GAS6: variants seen among roughly 807,000 people sequenced by gnomAD.
GAS6 encodes growth arrest-specific protein 6.
GAS6 carries 41 observed loss-of-function variants against 75.8 expected under a neutral mutation model. That is an observed-to-expected ratio of 0.54 (90% CI 0.42 to 0.70). GAS6 has a LOEUF of 0.70. GAS6 is among the 30% of genes least tolerant of loss of function. GAS6 has a pLI of 0.00. For synonymous variants in GAS6, 432 were observed against 412.6 expected, an observed-to-expected ratio of 1.05 and a Z score of -0.57; for missense variants, 854 against 940.2, an observed-to-expected ratio of 0.91 and a Z score of 1.20.
chr13:113,834,162 G>C (rs149584392), intron 8 of GAS6, among the ~76,000 whole-genome samples: 1 of 149,070 alleles, frequency 6.7e-6, no homozygotes, highest in African/African-American at 2.5e-5. Flanking sequence ...ACAGGCCCCG[G>C]TGTGACAGGT....
In GAS6 at chr13:113,849,252, G is replaced by A. The variant is rs1594206857; in HGVS notation, c.256-1202C>T. Among the ~76,000 whole-genome samples, 3 of 152,174 alleles carry A rather than the reference G, an allele frequency of 2.0e-5. No homozygotes were observed. In the East Asian group the frequency reaches 5.8e-4, roughly 29 times the overall value. On this transcript the variant is annotated intron_variant, in intron 2 of 14. Coordinates refer to ENST00000327773, the MANE Select transcript of GAS6 (RefSeq NM_000820.4). ...GGTGTGCAGCTCACGTGTCTGTTGGGAGGGCGGCCGCCCTGAAGGCCAGGA... is the reference window on the plus strand; with the variant it reads ...GGTGTGCAGCTCACGTGTCTGTTGGAAGGGCGGCCGCCCTGAAGGCCAGGA...
intron 11 of GAS6, among the ~76,000 whole-genome samples, chr13:113,828,004 G>A (rs1387481128): frequency 5.9e-5 from 9 of 152,256 alleles, no homozygotes; most frequent in South Asian, 4.1e-4. Flanking sequence ...GGCCGGGCGC[G>A]GTGGCTCACG....
In GAS6 at chr13:113,821,994, G is replaced by A. The variant is rs763543156; in HGVS notation, c.1846C>T (p.Arg616Trp). ...ERLAVLERHL[R>W]SPVLTFAGGL... Reference sequence around the variant, plus strand: ...CCAGCAAAGGTGAGCACGGGGCTCCGCAGGTGCCTCTCGAGCACGGCCAGC... The same window carrying A: ...CCAGCAAAGGTGAGCACGGGGCTCCACAGGTGCCTCTCGAGCACGGCCAGC... The change falls in exon 14 of 15, where the codon CGG becomes TGG. Residue 616 changes from arginine (R) to tryptophan (W), a missense_variant. Physicochemically the swap from Arg to Trp is moderately radical, Grantham distance 101 (BLOSUM62 -3). Coordinates refer to ENST00000327773, the MANE Select transcript of GAS6 (RefSeq NM_000820.4). 21 of 1,549,736 alleles carry A rather than the reference G, an allele frequency of 1.4e-5. No individual in the cohort carries two copies. The highest frequency in any genetic ancestry group is 3.9e-5 in the Admixed American group (2 of 51,426).
intron 2 of GAS6, among the ~76,000 whole-genome samples, chr13:113,858,369 ATG>A (rs767671086): frequency 1.6e-4 from 25 of 151,948 alleles, no homozygotes; most frequent in Admixed American, 3.3e-4. Flanking sequence ...GAATGTGTGC[ATG>A]TGTGTGCATG....
intron 2 of GAS6, among the ~76,000 whole-genome samples, chr13:113,862,245 C>T (rs942576933): frequency 5.9e-5 from 9 of 152,166 alleles, no homozygotes; most frequent in Admixed American, 3.9e-4. Flanking sequence ...TGCAGGGCTG[C>T]GCGGAGCGGG....
chr13:113,823,576 G>A (rs1226148763), intron 12 of GAS6, 26 bp from the exon 13 acceptor site: 6 of 1,594,610 alleles, frequency 3.8e-6, no homozygotes, highest in Non-Finnish European at 5.1e-6. Flanking sequence ...TGCATTATAG[G>A]GTGGTATGCA....
At chr13:113,854,432 G>A (rs2051898487) in intron 2 of GAS6, among the ~76,000 whole-genome samples, 1 of 152,226 alleles carries the variant, frequency 6.6e-6, no homozygotes. Context: ...CAGTGACGCC[G>A]AGACTCCCCC....
chr13:113,821,951 C>A lies in GAS6; in HGVS notation c.1882+7G>T. ...CACCCGGGTTGAGCGGAGCAGGGAG[C>A]ACCTACCTGGCAGGCCGCCAGCAAA... On this transcript the variant is annotated splice_region_variant and intron_variant, in intron 14 of 14. Transcript: ENST00000327773. 1 of 1,523,494 alleles carries A rather than the reference C, an allele frequency of 6.6e-7. No individual in the cohort carries two copies. The highest frequency in any genetic ancestry group is 1.2e-5 in the South Asian group (1 of 81,802). 94.4% of individuals were successfully genotyped at this position (1,523,494 alleles called of 1,614,324 possible).
At position 113,834,690 on chromosome 13, in the gene GAS6, G is replaced by A; in HGVS notation, c.713-18C>T. 1 of 1,526,370 alleles carries A rather than the reference G, an allele frequency of 6.6e-7. No homozygotes were observed. Among genetic ancestry groups the A allele is most frequent in the East Asian group, 2.4e-5 (1 of 42,278 alleles). 94.6% of individuals were successfully genotyped at this position (1,526,370 alleles called of 1,614,324 possible). On this transcript the variant is annotated intron_variant, in intron 7 of 14. Coordinates refer to ENST00000327773, the MANE Select transcript of GAS6 (RefSeq NM_000820.4). The stretch of plus-strand genomic sequence containing the variant: ...GTCCACATCTGCCAGCCAGAGGGAA[G>A]CGGCGGTGAGCCGGGGAGGCCTCTA...
At chr13:113,847,129 C>T in intron 3 of GAS6, 1 of 348,760 alleles carries the variant, frequency 2.9e-6, no homozygotes, top group East Asian at 9.0e-5. Flanking sequence ...GGTGCGGGGC[C>T]TCTCGACCTG....
chr13:113,822,250 G>T, intron 13 of GAS6, 64 bp from the exon 14 acceptor site: 1 of 1,296,618 alleles, frequency 7.7e-7, no homozygotes, highest in Non-Finnish European at 1.0e-6. Context: ...TTAGGTCCAA[G>T]CTGGTCCTCA....
chr13:113,849,953 A>G (rs1019346764), intron 2 of GAS6, among the ~76,000 whole-genome samples: 1 of 152,064 alleles, frequency 6.6e-6, no homozygotes, highest in East Asian at 1.9e-4. Context: ...AACGCTATAC[A>G]CTCCTGAGAG....
At chr13:113,834,112 G>A (rs2051667958) in intron 8 of GAS6, among the ~76,000 whole-genome samples, 1 of 149,456 alleles carries the variant, frequency 6.7e-6, no homozygotes, top group African/African-American at 2.5e-5. Flanking sequence ...TGCTGTGATA[G>A]GCCCCGGTGT....
At chr13:113,846,301 G>T (rs919949552) in intron 4 of GAS6, among the ~76,000 whole-genome samples, 4 of 152,254 alleles carry the variant, frequency 2.6e-5, no homozygotes, top group African/African-American at 9.6e-5. Flanking sequence ...ATCACACTCT[G>T]TGAAACATTT....
chr13:113,820,622 T>C lies in GAS6; in HGVS notation c.*242A>G, dbSNP rs1445239247. 2 of 487,096 alleles carry C rather than the reference T, an allele frequency of 4.1e-6. No homozygotes were observed. Among genetic ancestry groups the C allele is most frequent in the East Asian group, 5.8e-5 (2 of 34,278 alleles). 30.2% of individuals were successfully genotyped at this position (487,096 alleles called of 1,614,324 possible). On this transcript the variant is annotated 3_prime_UTR_variant, in exon 15 of 15. Coordinates refer to ENST00000327773, the MANE Select transcript of GAS6 (RefSeq NM_000820.4). ...AAGAAGCGCTTGGTAATAAAAATAA[T>C]AGAGAATTATTTTCTTCGAGCCCGC...
intron 2 of GAS6, among the ~76,000 whole-genome samples, chr13:113,849,061 G>A (rs1342573635): frequency 3.9e-5 from 6 of 152,198 alleles, no homozygotes; most frequent in African/African-American, 1.4e-4. Flanking sequence ...CACACTTGCT[G>A]GCCTTGCCAC....
At chr13:113,839,254 AGCT>A (rs2051749841) in intron 5 of GAS6, 1 of 161,712 alleles carries the variant, frequency 6.2e-6, no homozygotes, top group South Asian at 1.8e-4. Flanking sequence ...CAGGCCCTGG[AGCT>A]ATTCTTCCTC....
intron 2 of GAS6, among the ~76,000 whole-genome samples, chr13:113,859,408 A>G (rs150291497): frequency 2.3e-5 from 3 of 131,952 alleles, no homozygotes; most frequent in East Asian, 2.4e-4. Context: ...GTCTGTTAGT[A>G]TGTGTGTGCC....
At position 113,821,107 on chromosome 13, in the gene GAS6, G is replaced by T. The variant is rs1359276711; in HGVS notation, c.1883-89C>A. 11 of 1,433,952 alleles carry T rather than the reference G, an allele frequency of 7.7e-6. No individual in the cohort carries two copies. The Admixed American group carries it at 2.0e-4, about 26-fold the overall frequency. 88.8% of individuals were successfully genotyped at this position (1,433,952 alleles called of 1,614,324 possible). ...CCACCCCCGGCAGCGCTTGTGGCCA[G>T]CCCCGGGTTCCCTCCGAAAGGGCAG... On this transcript the variant is annotated intron_variant, in intron 14 of 14. Coordinates refer to ENST00000327773, the MANE Select transcript of GAS6 (RefSeq NM_000820.4).
Sources: allele counts gnomAD v4.1 joint callset (sites outside exome capture counted in the v4.1 genomes callset), GRCh38; gene constraint gnomAD v4.1.1; transcripts MANE v1.5; gene names NCBI Gene and HGNC (gene_info 2026-07-23, HGNC 2026-07-21).